ANLN: variants seen among roughly 807,000 people sequenced by gnomAD.
ANLN encodes the protein anillin.
Under a neutral mutation model 135.1 loss-of-function variants are expected in ANLN, and 59 were observed. That is an observed-to-expected ratio of 0.44 (90% CI 0.35 to 0.54). ANLN has a LOEUF of 0.54. ANLN is among the 20% of genes least tolerant of loss of function. The pLI is 0.00. For synonymous variants in ANLN, 406 were observed against 456.4 expected, an observed-to-expected ratio of 0.89 and a Z score of 1.41; for missense variants, 1,182 against 1,340.0, an observed-to-expected ratio of 0.88 and a Z score of 1.84.
At chr7:36,415,402 G>GTTATTTTATT (rs58082754) in intron 7 of ANLN, among the ~76,000 whole-genome samples, 2 of 149,168 alleles carry the variant, frequency 1.3e-5, no homozygotes, top group African/African-American at 4.9e-5. Flanking sequence ...TTTTTTTATT[G>GTTATTTTATT]TTATTTTATT....
chr7:36,445,486 TTGTC>T (rs1788958943), intron 22 of ANLN, among the ~76,000 whole-genome samples: 1 of 152,148 alleles, frequency 6.6e-6, no homozygotes, highest in Non-Finnish European at 1.5e-5. Flanking sequence ...TTTGTGAAAT[TTGTC>T]TGGGGTGGTA....
Position 36,410,606 on chromosome 7 carries a change from A to G in ANLN, c.1189A>G (p.Thr397Ala), listed in dbSNP as rs949214732. 5 of 1,613,954 alleles carry G rather than the reference A, an allele frequency of 3.1e-6. No individual in the cohort carries two copies. Among genetic ancestry groups the G allele is most frequent in the Non-Finnish European group, 3.4e-6 (4 of 1,179,972 alleles). ...TCCAGCTCGTAGCACACCCCACAGA[A>G]CCCCCATTATTACTCCAAATACAAA... ...ESPARSTPHR[T>A]PIITPNTKAI... Residue 397 changes from threonine to alanine, a missense_variant, in exon 6 of 24, where the codon ACC becomes GCC. Coordinates refer to ENST00000265748, the MANE Select transcript of ANLN (RefSeq NM_018685.5).
chr7:36,401,139 AT>A (rs753039171), intron 3 of ANLN, among the ~76,000 whole-genome samples: 88 of 152,292 alleles, frequency 5.8e-4, no homozygotes, highest in Non-Finnish European at 1.1e-3. Context: ...AATATTTTTT[AT>A]TCTAATATAA....
chr7:36,393,705 GTCT>G (rs1786575821), intron 1 of ANLN, among the ~76,000 whole-genome samples: 2 of 152,178 alleles, frequency 1.3e-5, no homozygotes, highest in African/African-American at 2.4e-5. Context: ...ATGGTTGGTG[GTCT>G]TCTTACTGAG....
chr7:36,420,407 TAACTC>T (rs1787827318), intron 11 of ANLN, 93 bp downstream of exon 11: 1 of 1,467,208 alleles, frequency 6.8e-7, no homozygotes. Flanking sequence ...ATGTTATTAA[TAACTC>T]ATCTGTATAA....
chr7:36,451,246 T>A (rs1789231036), intron 23 of ANLN, among the ~76,000 whole-genome samples: 1 of 152,246 alleles, frequency 6.6e-6, no homozygotes, highest in South Asian at 2.1e-4. Flanking sequence ...TTAATGTACC[T>A]CATTTTCATT....
intron 7 of ANLN, among the ~76,000 whole-genome samples, chr7:36,415,348 GA>G (rs1787595353): frequency 6.6e-6 from 1 of 152,258 alleles, no homozygotes; most frequent in East Asian, 1.9e-4. Context: ...TGAGATAAGT[GA>G]CATAGGGGTG....
chr7:36,419,370 T>C lies in ANLN; in HGVS notation c.1760T>C (p.Met587Thr). The change falls in exon 10 of 24, where the codon ATG (methionine) becomes ACG (threonine). Residue 587 changes from methionine (M) to threonine (T), a missense_variant. Around this residue, in one of 3 missense-constraint regions of ANLN, gnomAD observed 1,022 missense variants for 1,134.0 expected, o/e 0.90. Transcript: ENST00000265748. ...ELDMEKSQEE[M>T]DQALAESSEE... Reference sequence around the variant, plus strand: ...GATATGGAGAAGAGCCAAGAGGAGATGGATCAAGCATTAGCAGAAAGCAGC... The same window carrying C: ...GATATGGAGAAGAGCCAAGAGGAGACGGATCAAGCATTAGCAGAAAGCAGC... 1 of 1,614,026 alleles carries C rather than the reference T, an allele frequency of 6.2e-7. No individual in the cohort carries two copies. Among genetic ancestry groups the C allele is most frequent in the Non-Finnish European group, 8.5e-7 (1 of 1,179,996 alleles).
chr7:36,414,614 T>C (rs1787564046), intron 7 of ANLN, among the ~76,000 whole-genome samples: 1 of 152,152 alleles, frequency 6.6e-6, no homozygotes, highest in East Asian at 1.9e-4. Flanking sequence ...ATAGGAAGAA[T>C]AGGGGGTAGT....
intron 7 of ANLN, among the ~76,000 whole-genome samples, chr7:36,412,659 T>C (rs1183968372): frequency 3.9e-5 from 6 of 152,136 alleles, no homozygotes; most frequent in Non-Finnish European, 5.9e-5. Context: ...CATATTCATG[T>C]ATTCACTTGC....
intron 2 of ANLN, 135 bp from the exon 3 acceptor site, chr7:36,398,944 C>A: frequency 2.9e-6 from 2 of 682,804 alleles, no homozygotes; most frequent in Non-Finnish European, 2.5e-6. Context: ...GTTTTACATA[C>A]TTCTGGTTGT....
intron 21 of ANLN, 70 bp downstream of exon 21, chr7:36,439,360 G>A: frequency 1.1e-6 from 1 of 895,718 alleles, no homozygotes; most frequent in Non-Finnish European, 1.7e-6. Context: ...TTTCCCATAG[G>A]AATGAAATCC....
chr7:36,407,859 T>A lies in ANLN; in HGVS notation c.999T>A (p.Ile333=). The change falls in exon 5 of 24, where the codon ATT becomes ATA. Residue 333 remains isoleucine, a synonymous_variant. Coordinates refer to ENST00000265748, the MANE Select transcript of ANLN (RefSeq NM_018685.5). ...TGAAAACGGGGGTATCGAAACCAATTGTGAAGTCAACTTTATCCCAGACAG... is the reference window on the plus strand; with the variant it reads ...TGAAAACGGGGGTATCGAAACCAATAGTGAAGTCAACTTTATCCCAGACAG... The part of the protein sequence containing the change: ...SPLKTGVSKP[I]VKSTLSQTVP... 1 of 1,613,920 alleles carries A rather than the reference T, an allele frequency of 6.2e-7. No individual in the cohort carries two copies. Among genetic ancestry groups the A allele is most frequent in the Non-Finnish European group, 8.5e-7 (1 of 1,179,858 alleles).
At chr7:36,392,698 G>A (rs370194030) in intron 1 of ANLN, among the ~76,000 whole-genome samples, 3 of 151,716 alleles carry the variant, frequency 2.0e-5, no homozygotes, top group East Asian at 1.9e-4. Flanking sequence ...ATAACCTTTG[G>A]TGTTTATAGC....
At chr7:36,420,880 T>C in intron 12 of ANLN, 136 bp downstream of exon 12, 1 of 765,854 alleles carries the variant, frequency 1.3e-6, no homozygotes, top group Non-Finnish European at 2.0e-6. Flanking sequence ...AGAAGCTCAG[T>C]AAATCACATT....
chr7:36,408,067 T>G, intron 5 of ANLN, 111 bp downstream of exon 5: 1 of 832,142 alleles, frequency 1.2e-6, no homozygotes, highest in Non-Finnish European at 1.8e-6. Flanking sequence ...CCAGGGCCAA[T>G]GCCTGAATGT....
intron 10 of ANLN, 49 bp downstream of exon 10, chr7:36,419,528 G>A (rs1393799424): frequency 6.8e-7 from 1 of 1,469,154 alleles, no homozygotes; most frequent in Non-Finnish European, 9.4e-7. Context: ...AAACTAAGTA[G>A]TATTCGTATC....
intron 21 of ANLN, among the ~76,000 whole-genome samples, chr7:36,441,540 G>A (rs1397654863): frequency 1.3e-5 from 2 of 152,234 alleles, no homozygotes; most frequent in Non-Finnish European, 2.9e-5. Context: ...CAGGTAAGTG[G>A]TTCTGACAGG....
rs757881603 is a variant in ANLN at position 36,420,140 on chromosome 7, A to G, written c.1870-29A>G. 8 of 1,599,514 alleles carry G rather than the reference A, an allele frequency of 5.0e-6. No individual in the cohort carries two copies. The African/African-American group carries it at 8.1e-5, about 16-fold the overall frequency. On this transcript the variant is annotated intron_variant, in intron 10 of 23. Coordinates refer to ENST00000265748, the MANE Select transcript of ANLN (RefSeq NM_018685.5). ...TAAAATGAATTATCATTTAGGATCAATGTTAATATCTGATGCGTTTTCCCA... is the reference window on the plus strand; with the variant it reads ...TAAAATGAATTATCATTTAGGATCAGTGTTAATATCTGATGCGTTTTCCCA...
Sources: allele counts gnomAD v4.1 joint callset (sites outside exome capture counted in the v4.1 genomes callset), GRCh38; gene constraint gnomAD v4.1.1; regional missense constraint gnomAD v4.1.1; transcripts MANE v1.5; gene names NCBI Gene and HGNC (gene_info 2026-07-23, HGNC 2026-07-21).